RIOK2: variants seen among roughly 807,000 people sequenced by gnomAD.
RIOK2 encodes RIO kinase 2, also known as serine/threonine-protein kinase RIO2.
In RIOK2, 46 loss-of-function variants were observed where a neutral mutation model predicts 62.4. That is an observed-to-expected ratio of 0.74 (90% CI 0.58 to 0.94). The LOEUF (loss-of-function observed/expected upper bound fraction) is 0.94, where lower values mean the gene tolerates loss of function less well. RIOK2 is among the 40% of genes least tolerant of loss of function. The probability of loss-of-function intolerance (pLI) is 0.00; values close to 1 mark genes in which losing one functional copy is unlikely to be tolerated. For missense variants in RIOK2, 574 were observed against 658.0 expected (o/e 0.87, Z 1.40); for synonymous variants, 197 against 216.0 (o/e 0.91, Z 0.77).
chr5:97,174,026 C>T (rs1289239602), intron 4 of RIOK2, among the ~76,000 whole-genome samples: 1 of 152,156 alleles, frequency 6.6e-6, no homozygotes, highest in Non-Finnish European at 1.5e-5. Flanking sequence ...AGGCATATAC[C>T]TCATTACTCC....
rs147642325 is a variant in RIOK2, at chr5:97,178,521, C to A, written c.205+534G>T. On this transcript the variant is annotated intron_variant, in intron 2 of 9. Coordinates refer to ENST00000283109, the MANE Select transcript of RIOK2 (RefSeq NM_018343.3). ...GTGCTCTACCTGCTCTTCTGCAGTA[C>A]TCTACCTGCTCTTATGCAGTACCTA... 9.6e-3 allele frequency among the ~76,000 whole-genome samples: 1,444 copies of A among 150,548 alleles called. 10 individuals are homozygous for A. Among genetic ancestry groups the A allele is most frequent in the Non-Finnish European group, 0.015 (1,000 of 67,758 alleles).
intron 1 of RIOK2, chr5:97,182,874 G>A (rs1396052727): frequency 2.1e-5 from 9 of 436,480 alleles, no homozygotes; most frequent in Non-Finnish European, 3.4e-5. Flanking sequence ...TCTCTTCAGC[G>A]CAAAGCGAAT....
intron 8 of RIOK2, among the ~76,000 whole-genome samples, chr5:97,165,361 C>A (rs951856540): frequency 6.6e-6 from 1 of 152,154 alleles, no homozygotes; most frequent in East Asian, 1.9e-4. Context: ...TTGTTAGTCA[C>A]TATCAAAATT....
intron 1 of RIOK2, among the ~76,000 whole-genome samples, chr5:97,181,315 G>GCCT (rs1189385658): frequency 6.6e-6 from 1 of 151,750 alleles, no homozygotes; most frequent in Non-Finnish European, 1.5e-5. Context: ...TAGGAAAGGG[G>GCCT]CCTATATTTA....
chr5:97,178,779 C>T (rs900824667), intron 2 of RIOK2: 48 of 434,042 alleles, frequency 1.1e-4, no homozygotes, highest in African/African-American at 7.6e-4. Flanking sequence ...CAGTACTCTA[C>T]ATGCTCTTCT....
chr5:97,180,360 A>G lies in RIOK2; in HGVS notation c.67-1167T>C, dbSNP rs1261311969. ...TGACTTTTAAAAGATGTGGGCATAC[A>G]GAGAAAACAGACAAGGGGATATTAG... is the stretch of plus-strand genomic sequence containing the variant. On this transcript the variant is annotated intron_variant, in intron 1 of 9. Transcript: ENST00000283109. 2.6e-5 allele frequency among the ~76,000 whole-genome samples: 4 copies of G among 151,826 alleles called. No homozygotes were observed. In the South Asian group the frequency reaches 8.3e-4, roughly 32 times the overall value.
At position 97,171,382 on chromosome 5, in the gene RIOK2, A is replaced by T. The variant is rs758742417; in HGVS notation, c.603T>A (p.His201Gln). Residue 201 changes from histidine to glutamine, a missense_variant, in exon 6 of 10, where the codon CAT becomes CAA. His to Gln is a conservative substitution (Grantham distance 24). Transcript: ENST00000283109. Reference protein sequence around the residue: ...INGYPLCQIHHVEDPASVYDE... With the variant: ...INGYPLCQIHQVEDPASVYDE... ...CATATACTGATGCAGGATCTTCAACATGGTGTATCTGACATCTGAAAGTAT... is the reference window on the plus strand; with the variant it reads ...CATATACTGATGCAGGATCTTCAACTTGGTGTATCTGACATCTGAAAGTAT... 15 of 1,540,308 alleles carry T rather than the reference A, an allele frequency of 9.7e-6. No homozygotes were observed. Among genetic ancestry groups the T allele is most frequent in the African/African-American group, 1.4e-5 (1 of 72,016 alleles).
At chr5:97,165,414 C>T (rs1219313413) in intron 8 of RIOK2, among the ~76,000 whole-genome samples, 3 of 152,092 alleles carry the variant, frequency 2.0e-5, no homozygotes, top group Non-Finnish European at 4.4e-5. Flanking sequence ...TTATCACCTC[C>T]CCACAATTCA....
chr5:97,183,161 A>G lies in RIOK2; in HGVS notation c.31T>C (p.Tyr11His), dbSNP rs1266915242. 6.2e-7 allele frequency: 1 copy of G among 1,614,000 alleles called. No homozygotes were observed. Among genetic ancestry groups the G allele is most frequent in the Non-Finnish European group, 8.5e-7 (1 of 1,179,990 alleles). MGKVNVAKLR[Y>H]MSRDDFRVLT... ...ACCCTGAAGTCATCTCGGCTCATGT[A>G]ACGCAACTTGGCCACATTCACTTTC... Residue 11 changes from tyrosine (Y) to histidine (H), a missense_variant, in exon 1 of 10, where the codon TAC (tyrosine) becomes CAC (histidine). Tyr to His is a moderately conservative substitution (Grantham distance 83, BLOSUM62 2). Transcript: ENST00000283109.
At chr5:97,165,598 CTAA>C (rs1291151094) in intron 8 of RIOK2, among the ~76,000 whole-genome samples, 3 of 152,178 alleles carry the variant, frequency 2.0e-5, no homozygotes, top group Non-Finnish European at 2.9e-5. Flanking sequence ...AACCTAGAGA[CTAA>C]TGTTTTTCAC....
intron 1 of RIOK2, among the ~76,000 whole-genome samples, chr5:97,181,595 T>C (rs572962446): frequency 6.6e-6 from 1 of 152,334 alleles, no homozygotes; most frequent in East Asian, 1.9e-4. Context: ...CGGAATGTCA[T>C]ATTTAATGAC....
intron 9 of RIOK2, among the ~76,000 whole-genome samples, chr5:97,164,646 A>T (rs373582672): frequency 3.9e-5 from 6 of 152,350 alleles, no homozygotes; most frequent in African/African-American, 1.2e-4. Flanking sequence ...TCTTCAGCTC[A>T]TATGAAGAAT....
At chr5:97,170,975 G>C (rs1748987115) in intron 6 of RIOK2, among the ~76,000 whole-genome samples, 1 of 119,144 alleles carries the variant, frequency 8.4e-6, no homozygotes, top group Non-Finnish European at 1.7e-5. Context: ...CCAACATGGA[G>C]AAACCCCATC....
At position 97,177,836 on chromosome 5, in the gene RIOK2, T is replaced by C. The variant is rs746186259; in HGVS notation, c.218A>G (p.Tyr73Cys). 1.2e-5 allele frequency: 20 copies of C among 1,611,816 alleles called. No individual in the cohort carries two copies. The highest frequency in any genetic ancestry group is 1.7e-5 in the Admixed American group (1 of 59,890). ...ATCATATCCTGCATTTGTCAACCGA[T>C]AGCCCTGGACAGCTAGACAAAAATC... ...AWERTKTVQG[Y>C]RLTNAGYDYL... The change falls in exon 3 of 10, where the codon TAT (tyrosine) becomes TGT (cysteine). Residue 73 changes from tyrosine (Y) to cysteine (C), a missense_variant. Physicochemically the swap from Tyr to Cys is radical, Grantham distance 194. Coordinates refer to ENST00000283109, the MANE Select transcript of RIOK2 (RefSeq NM_018343.3).
At chr5:97,181,553 G>A (rs1448816012) in intron 1 of RIOK2, among the ~76,000 whole-genome samples, 1 of 152,080 alleles carries the variant, frequency 6.6e-6, no homozygotes, top group Non-Finnish European at 1.5e-5. Context: ...GCCCAAGAAA[G>A]GGTACCAACA....
chr5:97,172,775 G>A (rs1749050641), intron 5 of RIOK2, among the ~76,000 whole-genome samples: 1 of 152,176 alleles, frequency 6.6e-6, no homozygotes, highest in African/African-American at 2.4e-5. Flanking sequence ...GTAGTCTCCT[G>A]TCCCGTTAGT....
rs556141154 is a variant in RIOK2, at chr5:97,161,540, C to T, written c.*1521G>A. 2.0e-5 allele frequency: 3 copies of T among 152,200 alleles called. No individual in the cohort carries two copies. The East Asian group carries it at 5.8e-4, about 29-fold the overall frequency. The allele number at this position is 152,200 out of a possible 1,614,324, so 9.4% of individuals were successfully genotyped here. ...TTCAATAACTAGCACTAATCTTTGC[C>T]CAAATGAGGTAAGGCCTCCATTTCT... On this transcript the variant is annotated 3_prime_UTR_variant, in exon 10 of 10. Coordinates refer to ENST00000283109, the MANE Select transcript of RIOK2 (RefSeq NM_018343.3).
intron 4 of RIOK2, among the ~76,000 whole-genome samples, chr5:97,174,188 G>C (rs575036690): frequency 1.3e-5 from 2 of 152,298 alleles, no homozygotes; most frequent in South Asian, 4.1e-4. Context: ...GGAGGCCGAG[G>C]CGGGTGGATC....
rs1017630914 is a variant in RIOK2, at chr5:97,162,074, T to A, written c.*987A>T. The A allele has an allele frequency of 1.3e-5, 2 of 151,988 alleles. No individual in the cohort carries two copies. Among genetic ancestry groups the A allele is most frequent in the African/African-American group, 4.8e-5 (2 of 41,274 alleles). 9.4% of individuals were successfully genotyped at this position (151,988 alleles called of 1,614,324 possible). A position where few individuals can be genotyped will look rare whatever the true frequency, so the allele number is the denominator to read the frequency against. On this transcript the variant is annotated 3_prime_UTR_variant, in exon 10 of 10. Coordinates refer to ENST00000283109, the MANE Select transcript of RIOK2 (RefSeq NM_018343.3). ...TTATCAATCTTGGAAAAGTCTGTAC[T>A]ATATTCCCTCTGGTAGAACATAATT...
Sources: allele counts gnomAD v4.1 joint callset (sites outside exome capture counted in the v4.1 genomes callset), GRCh38; gene constraint gnomAD v4.1.1; transcripts MANE v1.5; gene names NCBI Gene and HGNC (gene_info 2026-07-23, HGNC 2026-07-21).